Variants in ANKH observed in about 807,000 individuals in gnomAD.
ANKH encodes the protein ANKH inorganic pyrophosphate transport regulator, also known as mineralization regulator ANKH.
A neutral mutation model predicts 49.0 loss-of-function variants in ANKH; 15 were observed. That is an observed-to-expected ratio of 0.31 (90% CI 0.20 to 0.47). The LOEUF (loss-of-function observed/expected upper bound fraction) is 0.47. Among genes scored for constraint, ANKH ranks in the 20% least tolerant of loss-of-function variants. The pLI is 1.00. For synonymous variants in ANKH, 273 were observed against 260.0 expected, an observed-to-expected ratio of 1.05 and a Z score of -0.48; for missense variants, 429 against 652.0, an observed-to-expected ratio of 0.66 and a Z score of 3.72.
chr5:14,745,826 A>G lies in ANKH; in HGVS notation c.915+44T>C. On this transcript the variant is annotated intron_variant, in intron 7 of 11. Coordinates refer to ENST00000284268, the MANE Select transcript of ANKH (RefSeq NM_054027.6). This position sits in a 1 kb window ranked among gnomAD's most constrained non-coding sequence, Gnocchi z 4.7. ...AGAGAGCCCTGTCTATCAAGAAGTC[A>G]TTTCAAAAGCATGTTTCAGACACGA... The G allele has an allele frequency of 6.4e-7, 1 of 1,570,838 alleles. No individual in the cohort carries two copies. The highest frequency in any genetic ancestry group is 1.1e-5 in the South Asian group (1 of 90,148).
chr5:14,861,546 T>C (rs1023521531), intron 1 of ANKH, among the ~76,000 whole-genome samples: 2 of 152,166 alleles, frequency 1.3e-5, no homozygotes, highest in African/African-American at 4.8e-5. Context: ...CTGGGTGAGA[T>C]AGCCTAGTGG....
At chr5:14,731,477 C>T (rs1355687910) in intron 8 of ANKH, among the ~76,000 whole-genome samples, 2 of 152,014 alleles carry the variant, frequency 1.3e-5, no homozygotes, top group Non-Finnish European at 2.9e-5. Context: ...ACCTTCCAAA[C>T]CCCAGCTCTC....
rs199765598 is a variant in ANKH at position 14,870,787 on chromosome 5, G to A, written c.96+565C>T. On this transcript the variant is annotated intron_variant, in intron 1 of 11. Transcript: ENST00000284268. ...AAAAAAAAAGAAAGAAAGAAAGAAA[G>A]AAAAAAAAAGAAAAGGAAAAGGAAA... 7.4e-3 allele frequency: 1,062 copies of A among 142,750 alleles called. 39 individuals carry two copies. In the East Asian group the frequency reaches 0.11, roughly 14 times the overall value. 8.8% of individuals were successfully genotyped at this position (142,750 alleles called of 1,614,324 possible).
intron 8 of ANKH, among the ~76,000 whole-genome samples, chr5:14,718,558 C>T (rs1161655730): frequency 6.6e-6 from 1 of 152,190 alleles, no homozygotes; most frequent in East Asian, 1.9e-4. Flanking sequence ...TGGCTGTAAT[C>T]CCAGCAGTTT....
At chr5:14,810,085 A>G (rs2126572070) in intron 1 of ANKH, among the ~76,000 whole-genome samples, 1 of 151,996 alleles carries the variant, frequency 6.6e-6, no homozygotes, top group South Asian at 2.1e-4. Context: ...TCTCTACAGG[A>G]GGGAAGAAGC....
At chr5:14,739,096 A>G (rs951346071) in intron 8 of ANKH, among the ~76,000 whole-genome samples, 9 of 152,212 alleles carry the variant, frequency 5.9e-5, no homozygotes, top group Admixed American at 3.9e-4. Flanking sequence ...TACTCATTAC[A>G]GGGACAGTTT....
At chr5:14,769,518 A>C (rs570000258) in intron 1 of ANKH, among the ~76,000 whole-genome samples, 8 of 152,306 alleles carry the variant, frequency 5.3e-5, no homozygotes, top group African/African-American at 1.9e-4. Flanking sequence ...CAAAAATGTT[A>C]AATTTTGTTT....
At chr5:14,826,133 A>C (rs748110042) in intron 1 of ANKH, 4 of 153,498 alleles carry the variant, frequency 2.6e-5, no homozygotes, top group Non-Finnish European at 5.9e-5. Flanking sequence ...TGTTTCTCTA[A>C]GCAAATAAGT....
At chr5:14,792,112 G>A (rs531133059) in intron 1 of ANKH, among the ~76,000 whole-genome samples, 4 of 152,278 alleles carry the variant, frequency 2.6e-5, no homozygotes, top group South Asian at 2.1e-4. Flanking sequence ...TACAGGGAGT[G>A]CCAGAGCTCA....
chr5:14,822,642 T>C (rs1741228827), intron 1 of ANKH, among the ~76,000 whole-genome samples: 1 of 152,222 alleles, frequency 6.6e-6, no homozygotes, highest in South Asian at 2.1e-4. Context: ...GTAAAAACTC[T>C]GCCAATAAAC....
chr5:14,798,295 T>G (rs1740454370), intron 1 of ANKH: 2 of 1,600,094 alleles, frequency 1.2e-6, no homozygotes, highest in Admixed American at 1.7e-5. Context: ...GCATGGGTCA[T>G]CACCAAATTA....
intron 1 of ANKH, among the ~76,000 whole-genome samples, chr5:14,867,464 G>A (rs1020631274): frequency 6.6e-6 from 1 of 152,018 alleles, no homozygotes; most frequent in African/African-American, 2.4e-5. Context: ...AATAATTCTA[G>A]ATATACAATG....
chr5:14,818,442 G>A (rs1258404472), intron 1 of ANKH, among the ~76,000 whole-genome samples: 2 of 151,780 alleles, frequency 1.3e-5, no homozygotes, highest in Admixed American at 1.3e-4. Context: ...AGGAGTTCGA[G>A]ACCAGCCTGG....
intron 11 of ANKH, 42 bp downstream of exon 11, chr5:14,712,832 G>A (rs1181142596): frequency 6.5e-7 from 1 of 1,543,434 alleles, no homozygotes; most frequent in Non-Finnish European, 8.8e-7. Flanking sequence ...CTGCACCCAG[G>A]AGGATGCACC....
intron 3 of ANKH, among the ~76,000 whole-genome samples, chr5:14,758,184 G>T (rs776474816): frequency 6.6e-6 from 1 of 152,178 alleles, no homozygotes; most frequent in Non-Finnish European, 1.5e-5. Context: ...AAGTACAAAC[G>T]CTGTATGATT....
chr5:14,792,754 C>G (rs572433402), intron 1 of ANKH, among the ~76,000 whole-genome samples: 4 of 151,540 alleles, frequency 2.6e-5, no homozygotes, highest in African/African-American at 9.7e-5. Flanking sequence ...ACAGGTGGAT[C>G]ACCTGAGTTC....
rs35379260 is a variant in ANKH, at chr5:14,830,510, AGTGT to A, written c.96+40838_96+40841del. Among the ~76,000 whole-genome samples the A allele has an allele frequency of 9.2e-3, 1,362 of 147,370 alleles. 19 individuals are homozygous for A. The highest frequency in any genetic ancestry group is 0.03 in the African/African-American group (1,213 of 40,084). ...TATTTAAATATTGTGAGGTAGGGGG[AGTGT>A]GTGTGTGTGTGTGTGTGTGTGTGTC... On this transcript the variant is annotated intron_variant, in intron 1 of 11. Coordinates refer to ENST00000284268, the MANE Select transcript of ANKH (RefSeq NM_054027.6).
chr5:14,771,441 G>A (rs952064945), intron 1 of ANKH, among the ~76,000 whole-genome samples: 3 of 152,128 alleles, frequency 2.0e-5, no homozygotes, highest in Non-Finnish European at 4.4e-5. Flanking sequence ...AATGGTAGCA[G>A]CTCTCCTGTC....
Position 14,737,960 on chromosome 5 carries a change from C to T in ANKH, c.1011+3867G>A, listed in dbSNP as rs1355539821. Among the ~76,000 whole-genome samples the T allele has an allele frequency of 2.6e-5, 4 of 152,186 alleles. No individual in the cohort carries two copies. In the East Asian group the frequency reaches 7.7e-4, roughly 29 times the overall value. Reference sequence around the variant, plus strand: ...CAACCTCCGGCTAAGCATGCCTAACCGCAGCTCTGAAGGACTGAAAGCAAG... The same window carrying T: ...CAACCTCCGGCTAAGCATGCCTAACTGCAGCTCTGAAGGACTGAAAGCAAG... On this transcript the variant is annotated intron_variant, in intron 8 of 11. Coordinates refer to ENST00000284268, the MANE Select transcript of ANKH (RefSeq NM_054027.6). The surrounding 1 kb of genome is among the most constrained non-coding windows in gnomAD (Gnocchi z 5.0).
Sources: allele counts gnomAD v4.1 joint callset (sites outside exome capture counted in the v4.1 genomes callset), GRCh38; gene constraint gnomAD v4.1.1; non-coding constraint Gnocchi (gnomAD v3.1); transcripts MANE v1.5; gene names NCBI Gene and HGNC (gene_info 2026-07-23, HGNC 2026-07-21).